Variants in NQO2 observed in about 807,000 individuals in gnomAD.
NQO2 encodes the protein ribosyldihydronicotinamide dehydrogenase [quinone].
A neutral mutation model predicts 22.0 loss-of-function variants in NQO2; 18 were observed. That is an observed-to-expected ratio of 0.82 (90% CI 0.56 to 1.21). NQO2 has a LOEUF of 1.21. Ranked by LOEUF, NQO2 falls within the 50% of genes most tolerant of loss-of-function variation. NQO2 has a pLI of 0.00. For synonymous variants in NQO2, 106 were observed against 110.8 expected, an observed-to-expected ratio of 0.96 and a Z score of 0.28; for missense variants, 267 against 286.9, an observed-to-expected ratio of 0.93 and a Z score of 0.50.
At chr6:3,005,394 C>G (rs918063626) in intron 1 of NQO2, among the ~76,000 whole-genome samples, 102 of 152,296 alleles carry the variant, frequency 6.7e-4, no homozygotes, top group African/African-American at 2.3e-3. Flanking sequence ...TCTCCGCATC[C>G]TCACCTACGT....
In NQO2 at chr6:3,016,951, A is replaced by G. The variant is rs374327972; in HGVS notation, c.485A>G (p.Asn162Ser). The G allele has an allele frequency of 2.9e-5, 47 of 1,613,974 alleles. No individual in the cohort carries two copies. Among genetic ancestry groups the G allele is most frequent in the Non-Finnish European group, 3.6e-5 (43 of 1,180,032 alleles). The change falls in exon 6 of 7, where the codon AAT becomes AGT. Residue 162 changes from asparagine (N) to serine (S), a missense_variant. Physicochemically the swap from Asn to Ser is conservative, Grantham distance 46 (BLOSUM62 1). Coordinates refer to ENST00000380455, the MANE Select transcript of NQO2 (RefSeq NM_000904.6). Reference protein sequence around the residue: ...TAEMYTKTGVNGDSRYFLWPL... With the variant: ...TAEMYTKTGVSGDSRYFLWPL... Reference sequence around the variant, plus strand: ...GAGATGTACACGAAGACAGGAGTCAATGGAGATTCTCGATACTTCCTGTGG... The same window carrying G: ...GAGATGTACACGAAGACAGGAGTCAGTGGAGATTCTCGATACTTCCTGTGG...
At chr6:3,005,138 A>G (rs1028920717) in intron 1 of NQO2, among the ~76,000 whole-genome samples, 1 of 152,094 alleles carries the variant, frequency 6.6e-6, no homozygotes. Flanking sequence ...GGCTGTTTTC[A>G]TTCATGTACT....
intron 4 of NQO2, chr6:3,015,246 A>C: frequency 7.1e-7 from 1 of 1,414,890 alleles, no homozygotes; most frequent in Non-Finnish European, 9.3e-7. Context: ...GGTGTTACGC[A>C]CAGCTCCTCG....
chr6:3,015,421 C>T lies in NQO2; in HGVS notation c.304-109C>T. 3 of 1,485,842 alleles carry T rather than the reference C, an allele frequency of 2.0e-6. No homozygotes were observed. In the Admixed American group the frequency reaches 6.9e-5, roughly 34 times the overall value. The allele number at this position is 1,485,842 out of a possible 1,614,324, so 92.0% of individuals were successfully genotyped here. On this transcript the variant is annotated intron_variant, in intron 4 of 6. Coordinates refer to ENST00000380455, the MANE Select transcript of NQO2 (RefSeq NM_000904.6). ...AGGGTTACCCTCACCTGCCCAGCTG[C>T]CAGGGAAGAGGAGGGCTGTGGGCTT... is the stretch of plus-strand genomic sequence containing the variant.
chr6:3,012,470 G>A (rs1208842970), intron 3 of NQO2, 74 bp from the exon 4 acceptor site: 2 of 1,580,642 alleles, frequency 1.3e-6, no homozygotes, highest in Non-Finnish European at 1.7e-6. Context: ...GGTATACACA[G>A]TGCTACTGGG....
rs28383617 is a variant in NQO2, at chr6:3,006,735, C to T, written c.7+176C>T. On this transcript the variant is annotated intron_variant, in intron 2 of 6. Transcript: ENST00000380455. This position sits in a 1 kb window ranked among gnomAD's most constrained non-coding sequence, Gnocchi z 4.0. ...ACATTGTTGTAAAAAATCCAAGCCA[C>T]GTGGAAGTGTATAAACTATCTGGAA... is the stretch of plus-strand genomic sequence containing the variant. The T allele has an allele frequency of 1.4e-5, 8 of 589,084 alleles. No homozygotes were observed. Among genetic ancestry groups the T allele is most frequent in the African/African-American group, 1.9e-5 (1 of 52,188 alleles). The allele number at this position is 589,084 out of a possible 1,614,324, so 36.5% of individuals were successfully genotyped here. A position where few individuals can be genotyped will look rare whatever the true frequency, so the allele number is the denominator to read the frequency against.
rs767613985 is a variant in NQO2, at chr6:3,010,125, C to T, written c.108C>T (p.Thr36=). ...AVDELSRQGC[T]VTVSDLYAMN... ...ATGAACTGAGCAGGCAGGGCTGCAC[C>T]GTCACAGTGTCTGATTTGTATGCCA... The change falls in exon 3 of 7, where the codon ACC becomes ACT. Residue 36 remains threonine (T), a synonymous_variant. Transcript: ENST00000380455. The T allele has an allele frequency of 9.3e-6, 15 of 1,613,688 alleles. No homozygotes were observed. Among genetic ancestry groups the T allele is most frequent in the Admixed American group, 3.3e-5 (2 of 59,970 alleles).
At chr6:3,001,925 A>C (rs1756745741) in intron 1 of NQO2, 1 of 152,234 alleles carries the variant, frequency 6.6e-6, no homozygotes, top group African/African-American at 2.4e-5. Flanking sequence ...ACTGCAAGTC[A>C]AGAGCCTGTG....
At position 3,006,404 on chromosome 6, in the gene NQO2, A is replaced by G. The variant is rs1241421426; in HGVS notation, c.-85-64A>G. On this transcript the variant is annotated intron_variant, in intron 1 of 6. Transcript: ENST00000380455. The surrounding 1 kb of genome is among the most constrained non-coding windows in gnomAD (Gnocchi z 4.0). ...GTCAGGAAGCAGCAGTGATGCCTAG[A>G]TGTGGTACATTCGACCTCACCTATG... 2 of 1,484,586 alleles carry G rather than the reference A, an allele frequency of 1.3e-6. No individual in the cohort carries two copies. The highest frequency in any genetic ancestry group is 5.3e-5 in the Admixed American group (2 of 37,694). The allele number at this position is 1,484,586 out of a possible 1,614,324, so 92.0% of individuals were successfully genotyped here. A position where few individuals can be genotyped will look rare whatever the true frequency, so the allele number is the denominator to read the frequency against.
intron 4 of NQO2, among the ~76,000 whole-genome samples, chr6:3,012,906 T>C (rs898326423): frequency 2.0e-5 from 3 of 149,796 alleles, no homozygotes; most frequent in South Asian, 2.1e-4. Flanking sequence ...TTCATCTAGT[T>C]ACAACACTAC....
chr6:3,009,227 C>T (rs1757063498), intron 2 of NQO2, among the ~76,000 whole-genome samples: 2 of 152,226 alleles, frequency 1.3e-5, no homozygotes, highest in South Asian at 4.1e-4. Flanking sequence ...AGGGATGTTC[C>T]TTGCTGAGAA....
chr6:3,005,413 T>G (rs1756917778), intron 1 of NQO2, among the ~76,000 whole-genome samples: 1 of 152,188 alleles, frequency 6.6e-6, no homozygotes, highest in Non-Finnish European at 1.5e-5. Context: ...GTGTGTTTTG[T>G]TTTTTGGTAG....
Position 3,014,222 on chromosome 6 carries a change from C to G in NQO2, c.304-1308C>G, listed in dbSNP as rs1283298358. Among the ~76,000 whole-genome samples the G allele has an allele frequency of 3.3e-5, 5 of 152,248 alleles. No individual in the cohort carries two copies. The East Asian group carries it at 7.7e-4, about 24-fold the overall frequency. The stretch of plus-strand genomic sequence containing the variant: ...GGGAAGAGGGCTGCCTCATCCCTGC[C>G]CAGGCTTGCCTCTGCACACCCCTTC... On this transcript the variant is annotated intron_variant, in intron 4 of 6. Coordinates refer to ENST00000380455, the MANE Select transcript of NQO2 (RefSeq NM_000904.6).
intron 1 of NQO2, among the ~76,000 whole-genome samples, chr6:3,000,730 A>AT (rs1756658818): frequency 1.3e-5 from 2 of 151,824 alleles, no homozygotes; most frequent in Non-Finnish European, 2.9e-5. Context: ...TTTAGTAGAG[A>AT]CGGGTTTCAT....
At position 3,010,162 on chromosome 6, in the gene NQO2, C is replaced by A; in HGVS notation, c.145C>A (p.Pro49Thr). The change falls in exon 3 of 7, where the codon CCG (proline) becomes ACG (threonine). Residue 49 changes from proline (P) to threonine (T), a missense_variant. Physicochemically the swap from Pro to Thr is conservative, Grantham distance 38. Transcript: ENST00000380455. ...TGATTTGTATGCCATGAACCTTGAG[C>A]CGAGGGCCACAGACAAAGATATCAC... ...VSDLYAMNLE[P>T]RATDKDITGT... The A allele has an allele frequency of 6.2e-7, 1 of 1,612,142 alleles. No individual in the cohort carries two copies. The highest frequency in any genetic ancestry group is 8.5e-7 in the Non-Finnish European group (1 of 1,179,028).
intron 3 of NQO2, among the ~76,000 whole-genome samples, chr6:3,011,265 A>G (rs1020770934): frequency 6.6e-6 from 1 of 152,366 alleles, no homozygotes; most frequent in Admixed American, 6.5e-5. Flanking sequence ...AGAGATTGAA[A>G]TAATTTTTAA....
intron 4 of NQO2, chr6:3,015,290 G>A (rs1757284248): frequency 2.1e-6 from 3 of 1,452,848 alleles, no homozygotes; most frequent in Non-Finnish European, 2.7e-6. Flanking sequence ...CAGCATCAGG[G>A]GCTGTCATCA....
At chr6:3,017,070 G>GCA (rs1160103962) in intron 6 of NQO2, 85 bp downstream of exon 6, 27 of 1,331,554 alleles carry the variant, frequency 2.0e-5, no homozygotes, top group Non-Finnish European at 2.7e-5. Context: ...ACACACACAC[G>GCA]CACACACATA....
In NQO2 at chr6:3,015,584, G is replaced by A. The variant is rs148024596; in HGVS notation, c.358G>A (p.Val120Met). The change falls in exon 5 of 7, where the codon GTG (valine) becomes ATG (methionine). Residue 120 changes from valine to methionine, a missense_variant. Transcript: ENST00000380455. ...PAILKGWMDR[V>M]LCQGFAFDIP... ...CATCCTGAAGGGCTGGATGGATAGG[G>A]TGCTGTGCCAGGGCTTTGCCTTTGA... The A allele has an allele frequency of 1.1e-4, 170 of 1,614,184 alleles. No homozygotes were observed. In the African/African-American group the frequency reaches 1.9e-3, roughly 18 times the overall value.
Sources: allele counts gnomAD v4.1 joint callset (sites outside exome capture counted in the v4.1 genomes callset), GRCh38; gene constraint gnomAD v4.1.1; non-coding constraint Gnocchi (gnomAD v3.1); transcripts MANE v1.5; gene names NCBI Gene and HGNC (gene_info 2026-07-23, HGNC 2026-07-21).